Variants in RNPC3 observed in about 807,000 individuals in gnomAD.
The protein encoded by RNPC3 is RNA-binding region-containing protein 3.
A neutral mutation model predicts 67.5 loss-of-function variants in RNPC3; 48 were observed. The ratio of observed to expected loss-of-function variants is 0.71; its 90% CI spans 0.56 to 0.90. The LOEUF (loss-of-function observed/expected upper bound fraction) is 0.90, where lower values mean the gene tolerates loss of function less well. RNPC3 is among the 40% of genes least tolerant of loss of function. The pLI is 0.00. For synonymous variants in RNPC3, 239 were observed against 210.3 expected (o/e 1.14, Z -1.18); for missense variants, 637 against 626.1 (o/e 1.02, Z -0.19).
intron 1 of RNPC3, 51 bp downstream of exon 1, chr1:103,526,313 CG>C: frequency 7.0e-7 from 1 of 1,431,074 alleles, no homozygotes; most frequent in African/African-American, 1.4e-5. Context: ...GGGAAGTGAC[CG>C]GGGAGGGGGA....
chr1:103,529,950 T>C (rs1320012970), intron 2 of RNPC3, among the ~76,000 whole-genome samples: 1 of 152,164 alleles, frequency 6.6e-6, no homozygotes, highest in Admixed American at 6.5e-5. Flanking sequence ...CCTTGGCCCC[T>C]GTTGTGAACT....
At chr1:103,543,572 CA>C in intron 9 of RNPC3, 125 bp downstream of exon 9, 2 of 687,058 alleles carry the variant, frequency 2.9e-6, no homozygotes, top group Non-Finnish European at 2.2e-6. Flanking sequence ...TAGTGTTTCC[CA>C]AAATCATGGA....
chr1:103,529,678 A>G (rs1650797699), intron 2 of RNPC3, among the ~76,000 whole-genome samples: 1 of 152,246 alleles, frequency 6.6e-6, no homozygotes. Context: ...GGCTTCACTG[A>G]TAATAAAGAG....
At position 103,547,357 on chromosome 1, in the gene RNPC3, C is replaced by T. The variant is rs377148853; in HGVS notation, c.1361+322C>T. 1.7e-4 allele frequency among the ~76,000 whole-genome samples: 26 copies of T among 152,312 alleles called. No individual in the cohort carries two copies. The East Asian group carries it at 4.8e-3, about 28-fold the overall frequency. The stretch of plus-strand genomic sequence containing the variant: ...TATTCATGGCTGTGTTCTAATAAAA[C>T]TCTTTACAGAAACAGGTCGGTGATG... On this transcript the variant is annotated intron_variant, in intron 12 of 14. Coordinates refer to ENST00000423855, the MANE Select transcript of RNPC3 (RefSeq NM_017619.4).
At position 103,525,715 on chromosome 1, in the gene RNPC3, T is replaced by G. The variant is rs554163440; in HGVS notation, c.-356T>G. On this transcript the variant is annotated 5_prime_UTR_variant, in exon 1 of 15. Transcript: ENST00000423855. ...CGCACATGCGCAGTCGTGAGTCCTC[T>G]TGTCCTTGAGCGTCAACCTTCTTTC... is the stretch of plus-strand genomic sequence containing the variant. 3.9e-4 allele frequency: 63 copies of G among 159,874 alleles called. 1 individual carries two copies. In the East Asian group the frequency reaches 4.3e-3, roughly 11 times the overall value. 9.9% of individuals were successfully genotyped at this position (159,874 alleles called of 1,614,324 possible).
chr1:103,537,473 G>T lies in RNPC3; in HGVS notation c.756G>T (p.Glu252Asp). The T allele has an allele frequency of 6.5e-7, 1 of 1,534,986 alleles. No homozygotes were observed. Among genetic ancestry groups the T allele is most frequent in the Non-Finnish European group, 8.7e-7 (1 of 1,146,064 alleles). Residue 252 changes from glutamate (E) to aspartate (D), a missense_variant, in exon 7 of 15, where the codon GAG (glutamate) becomes GAT (aspartate). Around this residue, in one of 3 missense-constraint regions of RNPC3, gnomAD observed 536 missense variants for 500.3 expected, o/e 1.07. Transcript: ENST00000423855. ...CAGAATATGAAAGCACTGATGATGA[G>T]GACCGACAGAGGTTTGTAACATGAA... The part of the protein sequence containing the change: ...EESEYESTDD[E>D]DRQRMNKLME...
At chr1:103,542,788 A>G (rs1397300567) in intron 8 of RNPC3, among the ~76,000 whole-genome samples, 2 of 151,914 alleles carry the variant, frequency 1.3e-5, no homozygotes, top group East Asian at 1.9e-4. Context: ...AAATATCTTG[A>G]TAACTTTTTA....
intron 4 of RNPC3, 58 bp from the exon 5 acceptor site, chr1:103,535,272 G>T: frequency 1.8e-6 from 2 of 1,094,502 alleles, no homozygotes; most frequent in Non-Finnish European, 2.7e-6. Context: ...TACCTAAAAT[G>T]AGTTACTGAT....
intron 14 of RNPC3, chr1:103,554,592 G>C (rs1202179999): frequency 6.6e-6 from 1 of 152,528 alleles, no homozygotes; most frequent in Non-Finnish European, 1.5e-5. Flanking sequence ...ATTTGAAAAG[G>C]TTTCTTTAGT....
intron 8 of RNPC3, 98 bp downstream of exon 8, chr1:103,541,573 A>G: frequency 2.4e-6 from 3 of 1,227,106 alleles, no homozygotes; most frequent in South Asian, 3.0e-5. Flanking sequence ...GTTTCCTGTC[A>G]GTGTTCTTGG....
intron 10 of RNPC3, 116 bp downstream of exon 10, chr1:103,545,218 TCTCTC>T: frequency 2.7e-6 from 2 of 752,634 alleles, no homozygotes; most frequent in Non-Finnish European, 4.1e-6. Flanking sequence ...CTTTAAAACA[TCTCTC>T]CAATTAATGT....
chr1:103,539,307 C>T (rs1570620837), intron 7 of RNPC3, among the ~76,000 whole-genome samples: 1 of 152,096 alleles, frequency 6.6e-6, no homozygotes, highest in African/African-American at 2.4e-5. Context: ...AGTGTCCACC[C>T]AAGTAGTGGT....
At chr1:103,527,833 C>A in intron 2 of RNPC3, 91 bp downstream of exon 2, 1 of 922,210 alleles carries the variant, frequency 1.1e-6, no homozygotes, top group Non-Finnish European at 1.7e-6. Context: ...TTTTAAGAAG[C>A]AAAAGCGTTT....
intron 3 of RNPC3, among the ~76,000 whole-genome samples, chr1:103,534,362 G>A (rs1650933638): frequency 6.6e-6 from 1 of 151,996 alleles, no homozygotes. Context: ...CTGAGGGATG[G>A]AAGGGATGGG....
At position 103,535,567 on chromosome 1, in the gene RNPC3, A is replaced by G. The variant is rs1464604278; in HGVS notation, c.555+126A>G. ...GCCAGTGATACAGTATTTTAAATGT[A>G]ATTAAATATTTTCTACTTCCAAGTA... On this transcript the variant is annotated intron_variant, in intron 5 of 14. Transcript: ENST00000423855. 5.3e-6 allele frequency: 3 copies of G among 569,532 alleles called. No individual in the cohort carries two copies. The African/African-American group carries it at 5.7e-5, about 11-fold the overall frequency. The allele number at this position is 569,532 out of a possible 1,614,324, so 35.3% of individuals were successfully genotyped here.
chr1:103,531,240 A>G (rs750926011), intron 2 of RNPC3, among the ~76,000 whole-genome samples: 7 of 151,756 alleles, frequency 4.6e-5, no homozygotes, highest in Non-Finnish European at 1.0e-4. Context: ...TTCTTTATCC[A>G]CTCATTGATT....
At chr1:103,551,967 C>G (rs889236370) in intron 14 of RNPC3, 175 bp downstream of exon 14, 4 of 421,666 alleles carry the variant, frequency 9.5e-6, no homozygotes, top group Non-Finnish European at 1.3e-5. Context: ...GATTAAAACC[C>G]ATTTATATGT....
Position 103,548,485 on chromosome 1 carries a change from T to A in RNPC3, c.1361+1450T>A, listed in dbSNP as rs573973483. On this transcript the variant is annotated intron_variant, in intron 12 of 14. Transcript: ENST00000423855. Reference sequence around the variant, plus strand: ...CAGTCTCTTTGCCAAAACAAAGAGTTTGCTAAAACATAACAAGAGTCGCCT... The same window carrying A: ...CAGTCTCTTTGCCAAAACAAAGAGTATGCTAAAACATAACAAGAGTCGCCT... Among the ~76,000 whole-genome samples, 6 of 152,280 alleles carry A rather than the reference T, an allele frequency of 3.9e-5. No homozygotes were observed. The East Asian group carries it at 1.2e-3, about 29-fold the overall frequency.
chr1:103,548,488 C>T (rs575731158), intron 12 of RNPC3, among the ~76,000 whole-genome samples: 1 of 152,284 alleles, frequency 6.6e-6, no homozygotes, highest in African/African-American at 2.4e-5. Context: ...AAAGAGTTTG[C>T]TAAAACATAA....
Sources: allele counts gnomAD v4.1 joint callset (sites outside exome capture counted in the v4.1 genomes callset), GRCh38; gene constraint gnomAD v4.1.1; regional missense constraint gnomAD v4.1.1; transcripts MANE v1.5; gene names NCBI Gene and HGNC (gene_info 2026-07-23, HGNC 2026-07-21).